OXCT1: variants seen among roughly 807,000 people sequenced by gnomAD.
OXCT1 encodes the protein 3-oxoacid CoA-transferase 1, also known as succinyl-CoA:3-ketoacid coenzyme A transferase 1, mitochondrial.
A neutral mutation model predicts 69.6 loss-of-function variants in OXCT1; 27 were observed. The ratio of observed to expected loss-of-function variants is 0.39; its 90% confidence interval spans 0.29 to 0.54. The LOEUF (loss-of-function observed/expected upper bound fraction) is 0.54, where lower values mean the gene tolerates loss of function less well. Ranked by LOEUF, OXCT1 falls within the 20% of genes least tolerant of loss-of-function variation. The pLI, the probability that OXCT1 is intolerant of heterozygous loss-of-function variation, is 0.72. For synonymous variants in OXCT1, 202 were observed against 217.8 expected (o/e 0.93, Z 0.64); for missense variants, 437 against 650.2 (o/e 0.67, Z 3.57).
chr5:41,850,134 C>T lies in OXCT1; in HGVS notation c.460G>A (p.Ala154Thr). ...CCATACCCTGTTGGGGTGTAAAATG[C>T]AGGAACTCCAGCCCCGCCTGCACGG... ...RIRAGGAGVP[A>T]FYTPTGYGTL... Residue 154 changes from alanine (A) to threonine (T), a missense_variant, in exon 5 of 17, where the codon GCA becomes ACA. Physicochemically the swap from Ala to Thr is moderately conservative, Grantham distance 58 (BLOSUM62 0). This residue lies in a region of OXCT1 where 252 missense variants were observed against 397.4 expected (regional missense o/e 0.63). Coordinates refer to ENST00000196371, the MANE Select transcript of OXCT1 (RefSeq NM_000436.4). 1 of 1,613,846 alleles carries T rather than the reference C, an allele frequency of 6.2e-7. No homozygotes were observed. Among genetic ancestry groups the T allele is most frequent in the Non-Finnish European group, 8.5e-7 (1 of 1,179,876 alleles).
chr5:41,852,054 C>T (rs1457907192), intron 4 of OXCT1, among the ~76,000 whole-genome samples: 2 of 152,122 alleles, frequency 1.3e-5, no homozygotes, highest in East Asian at 1.9e-4. Context: ...GCATGCTCTC[C>T]GCCATGCAAG....
intron 15 of OXCT1, among the ~76,000 whole-genome samples, chr5:41,743,551 G>A (rs543332608): frequency 2.4e-4 from 36 of 152,208 alleles, no homozygotes; most frequent in East Asian, 1.2e-3. Flanking sequence ...TGAAGTCCTC[G>A]CCCATGCCTA....
intron 2 of OXCT1, 67 bp from the exon 3 acceptor site, chr5:41,861,471 G>A: frequency 2.1e-6 from 2 of 939,972 alleles, no homozygotes; most frequent in Non-Finnish European, 3.5e-6. Flanking sequence ...AGAAGTGTGT[G>A]TTATTCTTTT....
In OXCT1 at chr5:41,737,912, G is replaced by A. The variant is rs184691876; in HGVS notation, c.1521+1478C>T. Among the ~76,000 whole-genome samples, 760 of 152,214 alleles carry A rather than the reference G, an allele frequency of 5.0e-3. 8 individuals are homozygous for A. The highest frequency in any genetic ancestry group is 0.017 in the African/African-American group (704 of 41,546). ...CTACTAAAAATACAAAAAATTAGCC[G>A]GGCGTGGCGGCATGTGCCTGTAGTC... On this transcript the variant is annotated intron_variant, in intron 16 of 16. Transcript: ENST00000196371.
At position 41,731,452 on chromosome 5, in the gene OXCT1, C is replaced by A. The variant is rs1742617481; in HGVS notation, c.*277G>T. 2.0e-6 allele frequency: 2 copies of A among 1,000,724 alleles called. No homozygotes were observed. Among genetic ancestry groups the A allele is most frequent in the Non-Finnish European group, 2.6e-6 (2 of 761,844 alleles). The allele number at this position is 1,000,724 out of a possible 1,614,324, so 62.0% of individuals were successfully genotyped here. A position where few individuals can be genotyped will look rare whatever the true frequency, so the allele number is the denominator to read the frequency against. ...AGGTTCATATAATTTAGCATACATACCATATTCAGTGAAAATGCATTCAAT... is the reference window on the plus strand; with the variant it reads ...AGGTTCATATAATTTAGCATACATAACATATTCAGTGAAAATGCATTCAAT... On this transcript the variant is annotated 3_prime_UTR_variant, in exon 17 of 17. Transcript: ENST00000196371.
At chr5:41,782,926 G>A (rs957259925) in intron 13 of OXCT1, among the ~76,000 whole-genome samples, 2 of 152,050 alleles carry the variant, frequency 1.3e-5, no homozygotes, top group African/African-American at 4.8e-5. Context: ...TCCTGATTCA[G>A]GTTTTCTGCA....
intron 7 of OXCT1, among the ~76,000 whole-genome samples, chr5:41,838,269 C>G (rs1249103621): frequency 2.0e-5 from 3 of 152,178 alleles, no homozygotes; most frequent in Non-Finnish European, 2.9e-5. Context: ...CAGAGTTTCA[C>G]ATCAGAAAAT....
At chr5:41,747,039 G>A (rs145482564) in intron 15 of OXCT1, among the ~76,000 whole-genome samples, 526 of 152,058 alleles carry the variant, frequency 3.5e-3, no homozygotes, top group African/African-American at 0.012. Flanking sequence ...TTTTCTCCCC[G>A]CTTTACATAA....
chr5:41,730,176 G>T lies in OXCT1; in HGVS notation c.*1553C>A, dbSNP rs1742539134. ...CTTAGAATCACATTATCTTAAAGAT[G>T]CATACTGGAATGATAAGTTTGAAGA... is the stretch of plus-strand genomic sequence containing the variant. On this transcript the variant is annotated 3_prime_UTR_variant, in exon 17 of 17. Coordinates refer to ENST00000196371, the MANE Select transcript of OXCT1 (RefSeq NM_000436.4). 6.6e-6 allele frequency: 1 copy of T among 152,140 alleles called. No individual in the cohort carries two copies. The highest frequency in any genetic ancestry group is 1.5e-5 in the Non-Finnish European group (1 of 68,038). 9.4% of individuals were successfully genotyped at this position (152,140 alleles called of 1,614,324 possible).
At chr5:41,834,364 A>C (rs1435120978) in intron 7 of OXCT1, among the ~76,000 whole-genome samples, 2 of 151,944 alleles carry the variant, frequency 1.3e-5, no homozygotes, top group Non-Finnish European at 2.9e-5. Context: ...CAGTAGCTGA[A>C]TGGATGAAAA....
Position 41,805,632 on chromosome 5 carries a change from G to T in OXCT1, c.890C>A (p.Pro297His), listed in dbSNP as rs746993395. 1 of 1,613,002 alleles carries T rather than the reference G, an allele frequency of 6.2e-7. No homozygotes were observed. Among genetic ancestry groups the T allele is most frequent in the South Asian group, 1.1e-5 (1 of 91,066 alleles). The change falls in exon 9 of 17, where the codon CCT becomes CAT. Residue 297 changes from proline to histidine, a missense_variant. Physicochemically the swap from Pro to His is moderately conservative, Grantham distance 77. Coordinates refer to ENST00000196371, the MANE Select transcript of OXCT1 (RefSeq NM_000436.4). ...GATTCGTTCCCTTACGTCATCTCCA[G>T]GTTTAGCAGATTTGGCTTCCCCATC... ...EGDGEAKSAK[P>H]GDDVRERIIK...
At chr5:41,735,832 C>T (rs1447447265) in intron 16 of OXCT1, among the ~76,000 whole-genome samples, 1 of 152,208 alleles carries the variant, frequency 6.6e-6, no homozygotes, top group Non-Finnish European at 1.5e-5. Flanking sequence ...TGAAACTCAG[C>T]ATGACTCTTC....
In OXCT1 at chr5:41,762,539, C is replaced by T. The variant is rs1424792046; in HGVS notation, c.1249-339G>A. The stretch of plus-strand genomic sequence containing the variant: ...ACACTATCAGATTGAAATCCAAACA[C>T]CCCTGACATCCACTTCTTTTTAAAC... On this transcript the variant is annotated intron_variant, in intron 13 of 16. Transcript: ENST00000196371. This position sits in a 1 kb window ranked among gnomAD's most constrained non-coding sequence, Gnocchi z 4.0. 2.0e-5 allele frequency among the ~76,000 whole-genome samples: 3 copies of T among 152,060 alleles called. No homozygotes were observed. The highest frequency in any genetic ancestry group is 4.4e-5 in the Non-Finnish European group (3 of 67,990).
At chr5:41,819,411 C>G (rs1000767446) in intron 7 of OXCT1, among the ~76,000 whole-genome samples, 2 of 152,062 alleles carry the variant, frequency 1.3e-5, no homozygotes, top group Non-Finnish European at 2.9e-5. Flanking sequence ...TCACTCGTTA[C>G]CCAGGCTGGA....
rs1744380639 is a variant in OXCT1 at position 41,762,147 on chromosome 5, T to G, written c.1302A>C (p.Lys434Asn). Residue 434 changes from lysine to asparagine, a missense_variant, in exon 14 of 17, where the codon AAA becomes AAC. Lys to Asn is a moderately conservative substitution (Grantham distance 94, BLOSUM62 0). Around this residue, in one of 4 missense-constraint regions of OXCT1, gnomAD observed 102 missense variants for 162.1 expected, o/e 0.63. Coordinates refer to ENST00000196371, the MANE Select transcript of OXCT1 (RefSeq NM_000436.4). The surrounding 1 kb of genome is among the most constrained non-coding windows in gnomAD (Gnocchi z 4.0). The stretch of plus-strand genomic sequence containing the variant: ...GCTCCATGGTGACCACCACTTTGGT[T>G]TTCGCACTGGACACTAAATCCATAG... ...GGAMDLVSSA[K>N]TKVVVTMEHS... 6.2e-7 allele frequency: 1 copy of G among 1,613,380 alleles called. No individual in the cohort carries two copies. Among genetic ancestry groups the G allele is most frequent in the Non-Finnish European group, 8.5e-7 (1 of 1,179,482 alleles).
chr5:41,760,266 T>C (rs1450860227), intron 14 of OXCT1, among the ~76,000 whole-genome samples: 2 of 152,156 alleles, frequency 1.3e-5, no homozygotes. Flanking sequence ...CTGTGAATAA[T>C]TCATTACTAT....
intron 7 of OXCT1, among the ~76,000 whole-genome samples, chr5:41,808,556 G>A (rs1204602285): frequency 6.6e-6 from 1 of 152,106 alleles, no homozygotes; most frequent in Non-Finnish European, 1.5e-5. Context: ...GTGGATAAAA[G>A]CTATCTTCTT....
chr5:41,823,987 C>A (rs1747686177), intron 7 of OXCT1, among the ~76,000 whole-genome samples: 1 of 152,086 alleles, frequency 6.6e-6, no homozygotes, highest in South Asian at 2.1e-4. Flanking sequence ...CTGAAAAATT[C>A]AGTCAGCTAA....
intron 13 of OXCT1, among the ~76,000 whole-genome samples, chr5:41,789,549 T>C (rs1477483377): frequency 6.6e-6 from 1 of 152,262 alleles, no homozygotes; most frequent in Non-Finnish European, 1.5e-5. Flanking sequence ...ACAACAGTGA[T>C]ATACTACATG....
Sources: gnomAD v4.1 joint callset for allele counts (sites outside exome capture counted in the v4.1 genomes callset) on GRCh38, gnomAD v4.1.1 for gene constraint, gnomAD v4.1.1 regional missense constraint, Gnocchi (gnomAD v3.1) non-coding constraint, MANE v1.5 for transcripts, NCBI Gene and HGNC (gene_info 2026-07-23, HGNC 2026-07-21) for gene names.